The following CARM1 variants were observed in gnomAD, a reference collection of about 807,000 sequenced individuals.
CARM1 encodes the protein coactivator associated arginine methyltransferase 1.
CARM1 carries 14 observed loss-of-function variants against 72.7 expected under a neutral mutation model. The observed-to-expected ratio is 0.19, with a 90% confidence interval of 0.13 to 0.30. The LOEUF (loss-of-function observed/expected upper bound fraction) is 0.30, where lower values mean the gene tolerates loss of function less well. Among genes scored for constraint, CARM1 ranks in the 10% least tolerant of loss-of-function variants. CARM1 has a pLI of 1.00. For synonymous variants in CARM1, 333 were observed against 345.5 expected (o/e 0.96, Z 0.40); for missense variants, 432 against 833.7 (o/e 0.52, Z 5.93).
In CARM1 at chr19:10,920,961, C is replaced by A. The variant is rs761735744; in HGVS notation, c.1537+15C>A. On this transcript the variant is annotated intron_variant, in intron 13 of 15. Transcript: ENST00000327064. The surrounding 1 kb of genome is among the most constrained non-coding windows in gnomAD (Gnocchi z 5.3). Reference sequence around the variant, plus strand: ...GGCCGTGGCAGGTGAGCAGGGCCCACCCCAATGCCCAGCCAACCCGGGAGG... The same window carrying A: ...GGCCGTGGCAGGTGAGCAGGGCCCAACCCAATGCCCAGCCAACCCGGGAGG... The A allele has an allele frequency of 1.6e-5, 26 of 1,613,462 alleles. No individual in the cohort carries two copies. Among genetic ancestry groups the A allele is most frequent in the Non-Finnish European group, 2.0e-5 (23 of 1,179,360 alleles).
At chr19:10,918,223 G>C (rs916046613) in intron 8 of CARM1, among the ~76,000 whole-genome samples, 2 of 151,906 alleles carry the variant, frequency 1.3e-5, no homozygotes, top group African/African-American at 4.8e-5. Context: ...CCACCCGTTA[G>C]CTTTTATTGT....
At chr19:10,918,322 C>T (rs915806272) in intron 8 of CARM1, among the ~76,000 whole-genome samples, 26 of 152,250 alleles carry the variant, frequency 1.7e-4, no homozygotes, top group African/African-American at 5.5e-4. Flanking sequence ...ATCTCCCAGA[C>T]GCAAGTGATC....
chr19:10,920,045 G>A lies in CARM1; in HGVS notation c.1196+79G>A. 9.1e-7 allele frequency: 1 copy of A among 1,099,608 alleles called. No individual in the cohort carries two copies. The highest frequency in any genetic ancestry group is 1.4e-6 in the Non-Finnish European group (1 of 726,470). The allele number at this position is 1,099,608 out of a possible 1,614,324, so 68.1% of individuals were successfully genotyped here. On this transcript the variant is annotated intron_variant, in intron 10 of 15. Transcript: ENST00000327064. The surrounding 1 kb of genome is among the most constrained non-coding windows in gnomAD (Gnocchi z 5.3). ...GCAGCTGCAACCTGGCTGGGGGGGTGGAACATGGCTCCAGGTTCCACCATC... is the reference window on the plus strand; with the variant it reads ...GCAGCTGCAACCTGGCTGGGGGGGTAGAACATGGCTCCAGGTTCCACCATC...
chr19:10,916,326 T>A lies in CARM1; in HGVS notation c.848-81T>A. ...GGCTGGGAGCACCCAGGGTTGGGGG[T>A]CTTGGGGTCCTTTGGAAGCTCTGCC... On this transcript the variant is annotated intron_variant, in intron 6 of 15. Transcript: ENST00000327064. This position sits in a 1 kb window ranked among gnomAD's most constrained non-coding sequence, Gnocchi z 4.4. The A allele has an allele frequency of 1.1e-6, 1 of 927,884 alleles. No individual in the cohort carries two copies. Among genetic ancestry groups the A allele is most frequent in the Non-Finnish European group, 1.7e-6 (1 of 572,494 alleles). 57.5% of individuals were successfully genotyped at this position (927,884 alleles called of 1,614,324 possible).
intron 1 of CARM1, among the ~76,000 whole-genome samples, chr19:10,873,416 A>G (rs930033258): frequency 7.9e-5 from 12 of 151,868 alleles, no homozygotes; most frequent in Admixed American, 7.2e-4. Context: ...CAACATGGTG[A>G]AACCCCGTCT....
In CARM1 at chr19:10,912,491, C is replaced by G. The variant is rs2074159417; in HGVS notation, c.669+197C>G. Among the ~76,000 whole-genome samples, 1 of 151,708 alleles carries G rather than the reference C, an allele frequency of 6.6e-6. No individual in the cohort carries two copies. Among genetic ancestry groups the G allele is most frequent in the Non-Finnish European group, 1.5e-5 (1 of 67,950 alleles). On this transcript the variant is annotated intron_variant, in intron 5 of 15. Coordinates refer to ENST00000327064, the MANE Select transcript of CARM1 (RefSeq NM_199141.2). This position sits in a 1 kb window ranked among gnomAD's most constrained non-coding sequence, Gnocchi z 4.5. ...ATGATTTTCTCTCATGGCCGGTAGTCAGGGCCACATGTCATTTCCCTGTTT... is the reference window on the plus strand; with the variant it reads ...ATGATTTTCTCTCATGGCCGGTAGTGAGGGCCACATGTCATTTCCCTGTTT...
At chr19:10,886,597 G>GCAGGT (rs1432888813) in intron 1 of CARM1, among the ~76,000 whole-genome samples, 3 of 151,920 alleles carry the variant, frequency 2.0e-5, no homozygotes, top group Admixed American at 1.3e-4. Context: ...GGAGGCTGAG[G>GCAGGT]CAGGTGGATC....
chr19:10,883,450 G>A (rs542144662), intron 1 of CARM1, among the ~76,000 whole-genome samples: 6 of 152,292 alleles, frequency 3.9e-5, no homozygotes, highest in Admixed American at 2.0e-4. Context: ...TCACTCTGGG[G>A]AACTGCTTGG....
intron 3 of CARM1, 68 bp from the exon 4 acceptor site, chr19:10,909,035 G>A (rs182300781): frequency 1.6e-6 from 2 of 1,221,222 alleles, no homozygotes; most frequent in East Asian, 4.7e-5. Context: ...TCTATCACAG[G>A]GCTGGCCAGG....
chr19:10,873,367 G>A (rs1210065996), intron 1 of CARM1, among the ~76,000 whole-genome samples: 1 of 151,952 alleles, frequency 6.6e-6, no homozygotes, highest in South Asian at 2.1e-4. Context: ...AGCACTTTGG[G>A]AGGATCACTT....
intron 1 of CARM1, among the ~76,000 whole-genome samples, chr19:10,893,489 C>T (rs2074003004): frequency 6.6e-6 from 1 of 152,160 alleles, no homozygotes; most frequent in Admixed American, 6.5e-5. Context: ...CAGGCACCCG[C>T]TACCACGCCC....
chr19:10,875,555 G>C (rs928780315), intron 1 of CARM1, among the ~76,000 whole-genome samples: 9 of 151,838 alleles, frequency 5.9e-5, no homozygotes, highest in Non-Finnish European at 8.8e-5. Flanking sequence ...CTCCCGGGTA[G>C]CTGGGACTAC....
At chr19:10,884,623 C>T (rs2073927078) in intron 1 of CARM1, among the ~76,000 whole-genome samples, 1 of 151,894 alleles carries the variant, frequency 6.6e-6, no homozygotes, top group Non-Finnish European at 1.5e-5. Flanking sequence ...CCAGGCCTAA[C>T]CCAGGGCTGA....
chr19:10,890,791 ATATATTTTTTTT>A (rs1299762333), intron 1 of CARM1, among the ~76,000 whole-genome samples: 1 of 99,632 alleles, frequency 1.0e-5, no homozygotes, highest in African/African-American at 4.7e-5. Flanking sequence ...ATATATATAT[ATATATTTTTTTT>A]TTTTTTTTTT....
At chr19:10,900,431 A>T (rs1298289254) in intron 1 of CARM1, among the ~76,000 whole-genome samples, 1 of 152,180 alleles carries the variant, frequency 6.6e-6, no homozygotes. Flanking sequence ...ACTATTTCAT[A>T]TAAATAGAAT....
At chr19:10,881,977 A>T (rs1470699460) in intron 1 of CARM1, among the ~76,000 whole-genome samples, 1 of 151,496 alleles carries the variant, frequency 6.6e-6, no homozygotes, top group African/African-American at 2.4e-5. Context: ...GGGCTCCAGG[A>T]TGCTGGGGGA....
chr19:10,893,303 C>T (rs1052177957), intron 1 of CARM1, among the ~76,000 whole-genome samples: 4 of 151,530 alleles, frequency 2.6e-5, no homozygotes, highest in Non-Finnish European at 5.9e-5. Flanking sequence ...TCCCATAGTG[C>T]TGGGATTACA....
In CARM1 at chr19:10,921,863, G is replaced by A. The variant is rs1411898407; in HGVS notation, c.*106G>A. On this transcript the variant is annotated 3_prime_UTR_variant, in exon 16 of 16. Transcript: ENST00000327064. ...TGTACTGGAGAAGCTCGAACACCCG[G>A]TCACAGCTCTCTTTGCTATGGGAAC... 9.0e-7 allele frequency: 1 copy of A among 1,113,820 alleles called. No homozygotes were observed. Among genetic ancestry groups the A allele is most frequent in the Non-Finnish European group, 1.3e-6 (1 of 782,984 alleles). The allele number at this position is 1,113,820 out of a possible 1,614,324, so 69.0% of individuals were successfully genotyped here.
At chr19:10,886,302 C>T (rs1358194981) in intron 1 of CARM1, among the ~76,000 whole-genome samples, 3 of 151,572 alleles carry the variant, frequency 2.0e-5, no homozygotes, top group Non-Finnish European at 4.4e-5. Flanking sequence ...GTGATCCACC[C>T]GCCTCAGCCT....
Sources: gnomAD v4.1 joint callset for allele counts (sites outside exome capture counted in the v4.1 genomes callset) on GRCh38, gnomAD v4.1.1 for gene constraint, Gnocchi (gnomAD v3.1) non-coding constraint, MANE v1.5 for transcripts, NCBI Gene and HGNC (gene_info 2026-07-23, HGNC 2026-07-21) for gene names.